Variants in ALDOC observed in about 807,000 individuals in gnomAD.
The protein encoded by ALDOC is aldolase, fructose-bisphosphate C.
ALDOC carries 23 observed loss-of-function variants against 39.5 expected under a neutral mutation model. The observed-to-expected ratio is 0.58, with a 90% CI of 0.42 to 0.82. The LOEUF is 0.82. Among genes scored for constraint, ALDOC ranks in the 40% least tolerant of loss-of-function variants. ALDOC has a pLI of 0.00. For synonymous variants in ALDOC, 160 were observed against 182.6 expected, an observed-to-expected ratio of 0.88 and a Z score of 1.00; for missense variants, 356 against 479.1, an observed-to-expected ratio of 0.74 and a Z score of 2.40.
chr17:28,575,301 AC>A lies in ALDOC; in HGVS notation c.145del (p.Val49TrpfsTer22). 1 of 1,614,022 alleles carries A rather than the reference AC, an allele frequency of 6.2e-7. No homozygotes were observed. Among genetic ancestry groups the A allele is most frequent in the Non-Finnish European group, 8.5e-7 (1 of 1,180,000 alleles). On this transcript the variant is annotated frameshift_variant, in exon 3 of 9. Transcript: ENST00000226253. LOFTEE classifies it high-confidence loss of function. This position sits in a 1 kb window ranked among gnomAD's most constrained non-coding sequence, Gnocchi z 4.3. The stretch of plus-strand genomic sequence containing the variant: ...CCGGCGGTTCTCCTCTGTGTTTTCC[AC>A]CCCAATTTGGCTCAGCCGCTTGGCC... ...SMAKRLSQIG[V>X]ENTEENRRLY...
In ALDOC at chr17:28,575,510, AGGGCTGGGTAC is replaced by A; in HGVS notation, c.12_22del (p.Tyr5PhefsTer3). 6.2e-7 allele frequency: 1 copy of A among 1,614,204 alleles called. No homozygotes were observed. Among genetic ancestry groups the A allele is most frequent in the Non-Finnish European group, 8.5e-7 (1 of 1,180,030 alleles). Reference sequence around the variant, plus strand: ...CAACTCCTTCTTCTGCTCAGCAGAAAGGGCTGGGTACGAGTGAGGCATGGTGACAGCTCCCT... The same window carrying A: ...CAACTCCTTCTTCTGCTCAGCAGAAAGAGTGAGGCATGGTGACAGCTCCCT... On this transcript the variant is annotated frameshift_variant, in exon 2 of 9. Coordinates refer to ENST00000226253, the MANE Select transcript of ALDOC (RefSeq NM_005165.3). LOFTEE classifies it high-confidence loss of function. The surrounding 1 kb of genome is among the most constrained non-coding windows in gnomAD (Gnocchi z 4.3).
chr17:28,576,102 C>T lies in ALDOC; in HGVS notation c.-12-558G>A, dbSNP rs79130595. On this transcript the variant is annotated intron_variant, in intron 1 of 8. Coordinates refer to ENST00000226253, the MANE Select transcript of ALDOC (RefSeq NM_005165.3). ...ACAGGCTCCTGCAGCTTCTCCTTTT[C>T]TGTACTCCAAACCTGCCTGCCTATG... The T allele has an allele frequency of 5.1e-3, 3,519 of 694,716 alleles. 107 individuals carry two copies. The African/African-American group carries it at 0.062, about 12-fold the overall frequency. The allele number at this position is 694,716 out of a possible 1,614,324, so 43.0% of individuals were successfully genotyped here. A position where few individuals can be genotyped will look rare whatever the true frequency, so the allele number is the denominator to read the frequency against.
rs1307713474 is a variant in ALDOC, at chr17:28,573,516, G to C, written c.*10C>G. 3.1e-6 allele frequency: 5 copies of C among 1,613,386 alleles called. No individual in the cohort carries two copies. Among genetic ancestry groups the C allele is most frequent in the South Asian group, 1.1e-5 (1 of 91,060 alleles). ...TGGCTGGGCCAAGGGCTGTGGTATG[G>C]AGTGGATACTCAGTAGGCATGGTTG... On this transcript the variant is annotated 3_prime_UTR_variant, in exon 9 of 9. Coordinates refer to ENST00000226253, the MANE Select transcript of ALDOC (RefSeq NM_005165.3). This position sits in a 1 kb window ranked among gnomAD's most constrained non-coding sequence, Gnocchi z 4.3.
chr17:28,573,885 G>A lies in ALDOC; in HGVS notation c.849C>T (p.Asn283=), dbSNP rs776095497. 1 of 1,614,232 alleles carries A rather than the reference G, an allele frequency of 6.2e-7. No homozygotes were observed. Among genetic ancestry groups the A allele is most frequent in the Non-Finnish European group, 8.5e-7 (1 of 1,180,038 alleles). Reference sequence around the variant, plus strand: ...GGGGGCAGCGGTTGATGGCATTGAGGTTGAATGATGCCTCTTCTTCGCTCT... The same window carrying A: ...GGGGGCAGCGGTTGATGGCATTGAGATTGAATGATGCCTCTTCTTCGCTCT... ...GGQSEEEASF[N]LNAINRCPLP... The change falls in exon 8 of 9, where the codon AAC becomes AAT. Residue 283 remains asparagine (N), a synonymous_variant. Transcript: ENST00000226253. This position sits in a 1 kb window ranked among gnomAD's most constrained non-coding sequence, Gnocchi z 4.3.
At position 28,574,133 on chromosome 17, in the gene ALDOC, T is replaced by C. The variant is rs1278155939; in HGVS notation, c.733A>G (p.Thr245Ala). ...TPGHACPIKY[T>A]PEEIAMATVT... ...GTTGCCATGGCAATCTCCTCTGGGG[T>C]ATACTTGATGGGACAGGCATGGCCC... The change falls in exon 7 of 9, where the codon ACC becomes GCC. Residue 245 changes from threonine to alanine, a missense_variant. Coordinates refer to ENST00000226253, the MANE Select transcript of ALDOC (RefSeq NM_005165.3). 1 of 1,610,870 alleles carries C rather than the reference T, an allele frequency of 6.2e-7. No individual in the cohort carries two copies. Among genetic ancestry groups the C allele is most frequent in the African/African-American group, 1.3e-5 (1 of 74,870 alleles).
chr17:28,574,634 T>C (rs920977425), intron 5 of ALDOC, 57 bp from the exon 6 acceptor site: 3 of 1,613,518 alleles, frequency 1.9e-6, no homozygotes, highest in Non-Finnish European at 2.5e-6. Flanking sequence ...AAGAAAGCCT[T>C]GTGACTCTCT....
chr17:28,573,212 C>T lies in ALDOC; in HGVS notation c.*314G>A. On this transcript the variant is annotated 3_prime_UTR_variant, in exon 9 of 9. Transcript: ENST00000226253. This position sits in a 1 kb window ranked among gnomAD's most constrained non-coding sequence, Gnocchi z 4.3. ...CTCTGATCCCAGGAGACAGGGCAGG[C>T]AAGAAGGAGAGCCCAGGGAGAAGCT... is the stretch of plus-strand genomic sequence containing the variant. 3 of 481,228 alleles carry T rather than the reference C, an allele frequency of 6.2e-6. No individual in the cohort carries two copies. The highest frequency in any genetic ancestry group is 5.9e-4 in the Middle Eastern group (1 of 1,704). The allele number at this position is 481,228 out of a possible 1,614,324, so 29.8% of individuals were successfully genotyped here. A position where few individuals can be genotyped will look rare whatever the true frequency, so the allele number is the denominator to read the frequency against.
rs1164570899 is a variant in ALDOC, at chr17:28,575,269, G to A, written c.178C>T (p.Arg60Cys). ...ENTEENRRLY[R>C]QVLFSADDRV... The stretch of plus-strand genomic sequence containing the variant: ...TCATCAGCACTGAACAGGACCTGGC[G>A]GTACAGCCGGCGGTTCTCCTCTGTG... Residue 60 changes from arginine to cysteine, a missense_variant, in exon 3 of 9, where the codon CGC (arginine) becomes TGC (cysteine). Transcript: ENST00000226253. This position sits in a 1 kb window ranked among gnomAD's most constrained non-coding sequence, Gnocchi z 4.3. 24 of 1,614,174 alleles carry A rather than the reference G, an allele frequency of 1.5e-5. No homozygotes were observed. The highest frequency in any genetic ancestry group is 2.2e-5 in the East Asian group (1 of 44,876).
rs2229541 is a variant in ALDOC at position 28,574,846 on chromosome 17, C to T, written c.390G>A (p.Gly130=). 8.7e-6 allele frequency: 14 copies of T among 1,614,214 alleles called. No homozygotes were observed. The East Asian group carries it at 2.7e-4, about 31-fold the overall frequency. Residue 130 remains glycine (G), a synonymous_variant, in exon 5 of 9, where the codon GGG becomes GGA. Coordinates refer to ENST00000226253, the MANE Select transcript of ALDOC (RefSeq NM_005165.3). ...TGTATTGGGCACAGCGTTCTGAGAG[C>T]CCATCCAGCCCTGCAAGCACAGTGC... ...DGETTTQGLD[G]LSERCAQYKK...
rs2070462006 is a variant in ALDOC at position 28,574,392 on chromosome 17, C to G, written c.624+102G>C. Reference sequence around the variant, plus strand: ...TGTGCCGGGATGAAGTGAAAAAGTGCTAGGGGAAAGTGTGCCTGGATCTAA... The same window carrying G: ...TGTGCCGGGATGAAGTGAAAAAGTGGTAGGGGAAAGTGTGCCTGGATCTAA... On this transcript the variant is annotated intron_variant, in intron 6 of 8. Coordinates refer to ENST00000226253, the MANE Select transcript of ALDOC (RefSeq NM_005165.3). 4.8e-6 allele frequency: 7 copies of G among 1,471,004 alleles called. No individual in the cohort carries two copies. In the South Asian group the frequency reaches 8.1e-5, roughly 17 times the overall value. 91.1% of individuals were successfully genotyped at this position (1,471,004 alleles called of 1,614,324 possible).
At position 28,573,805 on chromosome 17, in the gene ALDOC, G is replaced by A; in HGVS notation, c.929C>T (p.Ala310Val). 1.7e-5 allele frequency: 28 copies of A among 1,614,244 alleles called. No individual in the cohort carries two copies. The highest frequency in any genetic ancestry group is 2.4e-5 in the Non-Finnish European group (28 of 1,180,042). Reference protein sequence around the residue: ...FSYGRALQASALNAWRGQRDN... With the variant: ...FSYGRALQASVLNAWRGQRDN... ...CCGTTGCCCTCGCCAGGCATTGAGT[G>A]CAGAGGCTTGCAGGGCACGCCCATA... Residue 310 changes from alanine to valine, a missense_variant, in exon 8 of 9, where the codon GCA becomes GTA. By Grantham distance (64) the Ala-to-Val change is moderately conservative. Coordinates refer to ENST00000226253, the MANE Select transcript of ALDOC (RefSeq NM_005165.3). The surrounding 1 kb of genome is among the most constrained non-coding windows in gnomAD (Gnocchi z 4.3).
chr17:28,576,054 T>C, intron 1 of ALDOC: 9 of 974,556 alleles, frequency 9.2e-6, no homozygotes, highest in Non-Finnish European at 9.8e-6. Flanking sequence ...AGGTAGGGAG[T>C]AGGAGTGGCA....
At position 28,575,955 on chromosome 17, in the gene ALDOC, G is replaced by A; in HGVS notation, c.-12-411C>T. On this transcript the variant is annotated intron_variant, in intron 1 of 8. Coordinates refer to ENST00000226253, the MANE Select transcript of ALDOC (RefSeq NM_005165.3). The surrounding 1 kb of genome is among the most constrained non-coding windows in gnomAD (Gnocchi z 4.3). ...ATCCTCCACAGGACCCCTAGGGAAA[G>A]TGTACTTACTTCCAAGGCTTCAGAA... is the stretch of plus-strand genomic sequence containing the variant. 3 of 1,025,526 alleles carry A rather than the reference G, an allele frequency of 2.9e-6. No homozygotes were observed. The highest frequency in any genetic ancestry group is 3.5e-6 in the Non-Finnish European group (3 of 852,666). The allele number at this position is 1,025,526 out of a possible 1,614,324, so 63.5% of individuals were successfully genotyped here.
In ALDOC at chr17:28,573,968, C is replaced by T; in HGVS notation, c.800-34G>A. 2.5e-6 allele frequency: 4 copies of T among 1,613,144 alleles called. No individual in the cohort carries two copies. The highest frequency in any genetic ancestry group is 1.1e-5 in the South Asian group (1 of 91,034). On this transcript the variant is annotated intron_variant, in intron 7 of 8. Transcript: ENST00000226253. This position sits in a 1 kb window ranked among gnomAD's most constrained non-coding sequence, Gnocchi z 4.3. ...GAGGAGAGAAGACAAACTGACTGGT[C>T]ACTCCCAATTTTTCCAGGATAGGGA...
At chr17:28,574,400 A>T in intron 6 of ALDOC, 94 bp downstream of exon 6, 3 of 1,478,550 alleles carry the variant, frequency 2.0e-6, no homozygotes, top group Non-Finnish European at 2.8e-6. Flanking sequence ...TGCTAGGGGA[A>T]AGTGTGCCTG....
Position 28,575,433 on chromosome 17 carries a change from C to T in ALDOC, c.100G>A (p.Asp34Asn). ...GATGTCCACTTACCTACAGACTCAT[C>T]CGCAGCCAGAATGCCTTTGCCCGGG... ...VAPGKGILAA[D>N]ESVGSMAKRL... Residue 34 changes from aspartate (D) to asparagine (N), a missense_variant, in exon 2 of 9, where the codon GAT becomes AAT. Asp to Asn is a conservative substitution (Grantham distance 23). Transcript: ENST00000226253. The surrounding 1 kb of genome is among the most constrained non-coding windows in gnomAD (Gnocchi z 4.3). The T allele has an allele frequency of 6.2e-7, 1 of 1,614,246 alleles. No individual in the cohort carries two copies. Among genetic ancestry groups the T allele is most frequent in the Non-Finnish European group, 8.5e-7 (1 of 1,180,050 alleles).
At position 28,575,076 on chromosome 17, in the gene ALDOC, T is replaced by A; in HGVS notation, c.324+47A>T. On this transcript the variant is annotated intron_variant, in intron 3 of 8. Transcript: ENST00000226253. The surrounding 1 kb of genome is among the most constrained non-coding windows in gnomAD (Gnocchi z 4.3). ...TCCTTGCTACCCCTCCTACACAAGC[T>A]TATTTTCACACCCAGCTTCCATTCA... 6.2e-7 allele frequency: 1 copy of A among 1,614,152 alleles called. No homozygotes were observed. The highest frequency in any genetic ancestry group is 1.1e-5 in the South Asian group (1 of 91,088).
rs201088397 is a variant in ALDOC at position 28,575,366 on chromosome 17, A to G, written c.113-32T>C. ...GCAAACAAAGAGAGGCAGTGAGAAC[A>G]TCCCCAGGGTCCCCTAGCCACCTGT... On this transcript the variant is annotated intron_variant, in intron 2 of 8. Coordinates refer to ENST00000226253, the MANE Select transcript of ALDOC (RefSeq NM_005165.3). This position sits in a 1 kb window ranked among gnomAD's most constrained non-coding sequence, Gnocchi z 4.3. The G allele has an allele frequency of 1.4e-5, 22 of 1,614,196 alleles. No individual in the cohort carries two copies. The East Asian group carries it at 4.9e-4, about 36-fold the overall frequency.
In ALDOC at chr17:28,575,705, A is replaced by G; in HGVS notation, c.-12-161T>C. The G allele has an allele frequency of 1.1e-6, 1 of 890,592 alleles. No individual in the cohort carries two copies. Among genetic ancestry groups the G allele is most frequent in the Non-Finnish European group, 1.7e-6 (1 of 604,892 alleles). 55.2% of individuals were successfully genotyped at this position (890,592 alleles called of 1,614,324 possible). ...AGTGGCACCAGTCCTTCTGACAGCTAGCAAGCTTAGGGCTCCAGTTCCCAC... is the reference window on the plus strand; with the variant it reads ...AGTGGCACCAGTCCTTCTGACAGCTGGCAAGCTTAGGGCTCCAGTTCCCAC... On this transcript the variant is annotated intron_variant, in intron 1 of 8. Transcript: ENST00000226253. This position sits in a 1 kb window ranked among gnomAD's most constrained non-coding sequence, Gnocchi z 4.3.
Sources: gnomAD v4.1 joint callset for allele counts on GRCh38, gnomAD v4.1.1 for gene constraint, Gnocchi (gnomAD v3.1) non-coding constraint, MANE v1.5 for transcripts, NCBI Gene and HGNC (gene_info 2026-07-23, HGNC 2026-07-21) for gene names.